Variants in TET2 observed in about 807,000 individuals in gnomAD.
TET2 encodes methylcytosine dioxygenase TET2.
Under a neutral mutation model 142.9 loss-of-function variants are expected in TET2, and 299 were observed. The observed-to-expected ratio is 2.09, with a 90% CI of 1.90 to 2.30. TET2 has a LOEUF of 2.30. Among genes scored for constraint, TET2 ranks in the 30% most tolerant of loss-of-function variants. The probability of loss-of-function intolerance (pLI) is 0.00; values close to 1 mark genes in which losing one functional copy is unlikely to be tolerated. For synonymous variants in TET2, 819 were observed against 849.0 expected, an observed-to-expected ratio of 0.96 and a Z score of 0.61; for missense variants, 2,418 against 2,378.0, an observed-to-expected ratio of 1.02 and a Z score of -0.35.
chr4:105,207,095 T>C (rs563929656), intron 2 of TET2, among the ~76,000 whole-genome samples: 28 of 152,254 alleles, frequency 1.8e-4, no homozygotes, highest in African/African-American at 6.7e-4. Context: ...TATATGGAAA[T>C]GTATGAGCTC....
chr4:105,218,038 A>C (rs1727599058), intron 2 of TET2, among the ~76,000 whole-genome samples: 1 of 152,088 alleles, frequency 6.6e-6, no homozygotes, highest in South Asian at 2.1e-4. Flanking sequence ...CATGAGATTG[A>C]TGTTTAAACA....
intron 10 of TET2, among the ~76,000 whole-genome samples, chr4:105,273,854 A>T (rs1731076467): frequency 1.3e-5 from 2 of 152,198 alleles, no homozygotes; most frequent in Admixed American, 1.3e-4. Flanking sequence ...AACATTATTC[A>T]TGAATACTAA....
At chr4:105,260,054 T>G (rs1162829857) in intron 7 of TET2, among the ~76,000 whole-genome samples, 2 of 152,168 alleles carry the variant, frequency 1.3e-5, no homozygotes, top group Non-Finnish European at 2.9e-5. Flanking sequence ...GGTGATGTTT[T>G]TCATATTTTG....
intron 6 of TET2, among the ~76,000 whole-genome samples, chr4:105,258,783 T>C (rs1422282203): frequency 3.9e-5 from 6 of 152,198 alleles, no homozygotes; most frequent in African/African-American, 1.4e-4. Flanking sequence ...TATTTTTTCT[T>C]GTAAGTTGTT....
intron 2 of TET2, among the ~76,000 whole-genome samples, chr4:105,222,210 A>G (rs1353200922): frequency 6.6e-6 from 1 of 152,230 alleles, no homozygotes; most frequent in Non-Finnish European, 1.5e-5. Context: ...CATGATTTAT[A>G]GTCCTTTGGG....
intron 3 of TET2, chr4:105,240,250 C>G: frequency 1.3e-6 from 1 of 749,708 alleles, no homozygotes; most frequent in Non-Finnish European, 1.7e-6. Flanking sequence ...TTGCCACAAA[C>G]CTTCAGTTTG....
rs2110225352 is a variant in TET2, at chr4:105,235,132, C to T, written c.1190C>T (p.Thr397Ile). 1 of 1,613,542 alleles carries T rather than the reference C, an allele frequency of 6.2e-7. No homozygotes were observed. The highest frequency in any genetic ancestry group is 8.5e-7 in the Non-Finnish European group (1 of 1,179,676). The change falls in exon 3 of 11, where the codon ACA becomes ATA. Residue 397 changes from threonine to isoleucine, a missense_variant. Transcript: ENST00000380013. ...AAGGATTCCTTTTCTGCCACTACCA[C>T]ACCACCACCACCATCACAATTGCTT... ...FTKDSFSATT[T>I]PPPPSQLLLS...
intron 2 of TET2, among the ~76,000 whole-genome samples, chr4:105,196,605 T>C (rs1036196298): frequency 1.3e-5 from 2 of 152,222 alleles, no homozygotes; most frequent in Non-Finnish European, 2.9e-5. Flanking sequence ...CATCGTATTT[T>C]ACACACTGAA....
chr4:105,204,887 C>G (rs1352714446), intron 2 of TET2, among the ~76,000 whole-genome samples: 1 of 152,002 alleles, frequency 6.6e-6, no homozygotes, highest in Non-Finnish European at 1.5e-5. Flanking sequence ...TTCCAAGGAA[C>G]CTACTCTTAG....
At position 105,235,719 on chromosome 4, in the gene TET2, CA is replaced by C; in HGVS notation, c.1779del (p.Gln593HisfsTer8). 6.2e-7 allele frequency: 1 copy of C among 1,614,174 alleles called. No individual in the cohort carries two copies. The highest frequency in any genetic ancestry group is 8.5e-7 in the Non-Finnish European group (1 of 1,180,022). On this transcript the variant is annotated frameshift_variant, in exon 3 of 11. Transcript: ENST00000380013. LOFTEE classifies it high-confidence loss of function. ...ATCACTGCCATCAATTCTTCAGTAT[CA>C]ACCCAATCTCTCCAATCAAATGACC... ...EASLPSILQYQPNLSNQMTSK... is the reference protein window; with the variant it reads ...EASLPSILQYXPNLSNQMTSK...
At chr4:105,267,131 A>G (rs999048800) in intron 8 of TET2, among the ~76,000 whole-genome samples, 1 of 152,054 alleles carries the variant, frequency 6.6e-6, no homozygotes, top group African/African-American at 2.4e-5. Flanking sequence ...AGAAATATAT[A>G]ACCAATGAAA....
chr4:105,224,930 A>G (rs1728092507), intron 2 of TET2, among the ~76,000 whole-genome samples: 1 of 152,140 alleles, frequency 6.6e-6, no homozygotes, highest in South Asian at 2.1e-4. Context: ...AGAACATTAG[A>G]TTATTGGAAT....
chr4:105,275,519 T>C lies in TET2; in HGVS notation c.5009T>C (p.Leu1670Pro). The C allele has an allele frequency of 6.4e-7, 1 of 1,551,696 alleles. No individual in the cohort carries two copies. The highest frequency in any genetic ancestry group is 8.7e-7 in the Non-Finnish European group (1 of 1,146,964). Residue 1670 changes from leucine (L) to proline (P), a missense_variant, in exon 11 of 11, where the codon CTC becomes CCC. Coordinates refer to ENST00000380013, the MANE Select transcript of TET2 (RefSeq NM_001127208.3). ...CCAAGCCAAGACCCTCTGTCTAAGC[T>C]CAGTCTACCACCCATCCATACACTT... ...RYPSQDPLSK[L>P]SLPPIHTLYQ...
chr4:105,259,515 A>T, intron 6 of TET2, 104 bp from the exon 7 acceptor site: 1 of 1,126,452 alleles, frequency 8.9e-7, no homozygotes, highest in Non-Finnish European at 1.2e-6. Flanking sequence ...GAGTTAGATT[A>T]GACTTCTTTT....
Position 105,243,658 on chromosome 4 carries a change from T to C in TET2, c.3683T>C (p.Ile1228Thr). Residue 1228 changes from isoleucine (I) to threonine (T), a missense_variant, in exon 6 of 11, where the codon ATT becomes ACT. Physicochemically the swap from Ile to Thr is moderately conservative, Grantham distance 89. Transcript: ENST00000380013. ...GHTCEAAVIVILILVWEGIPL... is the reference protein window; with the variant it reads ...GHTCEAAVIVTLILVWEGIPL... Reference sequence around the variant, plus strand: ...ACCTGTGAGGCTGCAGTGATTGTGATTCTCATCCTGGTGTGGGAAGGAATC... The same window carrying C: ...ACCTGTGAGGCTGCAGTGATTGTGACTCTCATCCTGGTGTGGGAAGGAATC... 1 of 1,551,610 alleles carries C rather than the reference T, an allele frequency of 6.4e-7. No individual in the cohort carries two copies. Among genetic ancestry groups the C allele is most frequent in the South Asian group, 1.2e-5 (1 of 84,048 alleles).
chr4:105,158,250 A>T lies in TET2; in HGVS notation c.-193+11271A>T, dbSNP rs1450234274. 3.3e-5 allele frequency among the ~76,000 whole-genome samples: 5 copies of T among 151,900 alleles called. No homozygotes were observed. The South Asian group carries it at 1.0e-3, about 32-fold the overall frequency. On this transcript the variant is annotated intron_variant, in intron 1 of 10. Transcript: ENST00000380013. ...ATTTACTACTGACAGATTTTCTTTA[A>T]TTTTTTTTGCATTGTTATAATTAGT...
intron 6 of TET2, among the ~76,000 whole-genome samples, chr4:105,248,922 C>T (rs1435556108): frequency 6.6e-6 from 1 of 151,178 alleles, no homozygotes; most frequent in Non-Finnish European, 1.5e-5. Context: ...TGGCCTTTCT[C>T]TCTGGCTTCT....
At chr4:105,241,706 C>T in intron 4 of TET2, 4 of 1,277,622 alleles carry the variant, frequency 3.1e-6, no homozygotes, top group Non-Finnish European at 4.0e-6. Context: ...GCCAGGCTGC[C>T]AGCCACAAGG....
rs115223300 is a variant in TET2, at chr4:105,270,183, G to A, written c.4182+436G>A. ...AGAACACTGGAATTTAGTAGCATTC[G>A]GTTAGAGTAATATGTTGTCTGCAGG... is the stretch of plus-strand genomic sequence containing the variant. On this transcript the variant is annotated intron_variant, in intron 9 of 10. Coordinates refer to ENST00000380013, the MANE Select transcript of TET2 (RefSeq NM_001127208.3). Among the ~76,000 whole-genome samples, 284 of 152,270 alleles carry A rather than the reference G, an allele frequency of 1.9e-3. 2 individuals are homozygous for A. The highest frequency in any genetic ancestry group is 4.9e-3 in the African/African-American group (204 of 41,556).
Sources: allele counts gnomAD v4.1 joint callset (sites outside exome capture counted in the v4.1 genomes callset), GRCh38; gene constraint gnomAD v4.1.1; transcripts MANE v1.5; gene names NCBI Gene and HGNC (gene_info 2026-07-23, HGNC 2026-07-21).